PPM1B: variants seen among roughly 807,000 people sequenced by gnomAD.
The protein encoded by PPM1B is protein phosphatase, Mg2+/Mn2+ dependent 1B.
A neutral mutation model predicts 43.0 loss-of-function variants in PPM1B; 22 were observed. That is an observed-to-expected ratio of 0.51 (90% CI 0.37 to 0.73). The LOEUF (loss-of-function observed/expected upper bound fraction) is 0.73. PPM1B is among the 30% of genes least tolerant of loss of function. The pLI, the probability that PPM1B is intolerant of heterozygous loss-of-function variation, is 0.00. For missense variants in PPM1B, 632 were observed against 584.2 expected (o/e 1.08, Z -0.84); for synonymous variants, 217 against 197.9 (o/e 1.10, Z -0.81).
downstream of PPM1B, chr2:44,234,717 C>A: frequency 3.3e-6 from 2 of 608,498 alleles, no homozygotes; most frequent in Non-Finnish European, 4.1e-6. Flanking sequence ...TTGTATACTC[C>A]AGTGAACTTT....
intron 1 of PPM1B, among the ~76,000 whole-genome samples, chr2:44,173,745 C>T (rs1315642102): frequency 6.6e-6 from 1 of 152,156 alleles, no homozygotes; most frequent in African/African-American, 2.4e-5. Context: ...GAGTTCGAGA[C>T]TAGCCTGGCC....
In PPM1B at chr2:44,191,302, A is replaced by T. The variant is rs866868176; in HGVS notation, c.-14-9884A>T. On this transcript the variant is annotated intron_variant, in intron 1 of 5. Coordinates refer to ENST00000282412, the MANE Select transcript of PPM1B (RefSeq NM_002706.6). ...GATCTCGGCTCACTGCAACCTCTGC[A>T]TCCCAGGTTCAAGCTATTCTCCTGC... 2.0e-5 allele frequency among the ~76,000 whole-genome samples: 3 copies of T among 152,002 alleles called. No individual in the cohort carries two copies. The South Asian group carries it at 6.2e-4, about 31-fold the overall frequency.
chr2:44,190,244 C>T (rs1426527404), intron 1 of PPM1B, among the ~76,000 whole-genome samples: 1 of 151,246 alleles, frequency 6.6e-6, no homozygotes, highest in Non-Finnish European at 1.5e-5. Flanking sequence ...CAACCTCTGC[C>T]CCCAGGTTCA....
Position 44,231,389 on chromosome 2 carries a change from C to T in PPM1B, c.*671C>T, listed in dbSNP as rs1670463640. On this transcript the variant is annotated 3_prime_UTR_variant, in exon 6 of 6. Transcript: ENST00000282412. ...ATATTCTGTATAGCCTAACTACACA[C>T]ATCAAAATGTATGTCAACCAAGTGT... is the stretch of plus-strand genomic sequence containing the variant. 1.0e-6 allele frequency: 1 copy of T among 972,578 alleles called. No individual in the cohort carries two copies. Among genetic ancestry groups the T allele is most frequent in the Non-Finnish European group, 1.2e-6 (1 of 818,490 alleles). 60.2% of individuals were successfully genotyped at this position (972,578 alleles called of 1,614,324 possible). A position where few individuals can be genotyped will look rare whatever the true frequency, so the allele number is the denominator to read the frequency against.
chr2:44,238,217 T>A (rs1021106336), downstream of PPM1B, among the ~76,000 whole-genome samples: 1 of 152,146 alleles, frequency 6.6e-6, no homozygotes, highest in Admixed American at 6.6e-5. Flanking sequence ...ATGCAATTTA[T>A]CTTAACAATT....
chr2:44,241,042 C>T (rs1670733968), intron 5 of PPM1B, among the ~76,000 whole-genome samples: 1 of 139,500 alleles, frequency 7.2e-6, no homozygotes, highest in South Asian at 2.5e-4. Context: ...TCACTCTTGT[C>T]GCCCAGGCTG....
At chr2:44,209,395 CT>C (rs1040303528) in intron 3 of PPM1B, 68 bp downstream of exon 3, 1 of 1,519,510 alleles carries the variant, frequency 6.6e-7, no homozygotes. Context: ...AATCCTAGCA[CT>C]TTTGTCGCCT....
At chr2:44,227,049 C>T (rs1013771951) in intron 5 of PPM1B, among the ~76,000 whole-genome samples, 1 of 151,806 alleles carries the variant, frequency 6.6e-6, no homozygotes, top group Non-Finnish European at 1.5e-5. Flanking sequence ...ACATGGCTTA[C>T]TGTAATCTCA....
At chr2:44,237,103 G>C (rs1034314906), downstream of PPM1B, among the ~76,000 whole-genome samples, 3 of 152,172 alleles carry the variant, frequency 2.0e-5, no homozygotes, top group African/African-American at 7.2e-5. Context: ...TTCTGTACTA[G>C]AAAATGCACT....
chr2:44,233,521 G>C, downstream of PPM1B: 19 of 984,944 alleles, frequency 1.9e-5, no homozygotes, highest in Non-Finnish European at 2.3e-5. Context: ...GTTAGGAGAA[G>C]TAATGAATGT....
chr2:44,193,575 C>CTTT (rs575288322), intron 1 of PPM1B, among the ~76,000 whole-genome samples: 23 of 116,716 alleles, frequency 2.0e-4, no homozygotes, highest in Non-Finnish European at 2.9e-4. Flanking sequence ...AATTTTTTTT[C>CTTT]TTTTTTTTTT....
intron 3 of PPM1B, among the ~76,000 whole-genome samples, chr2:44,211,160 C>T (rs1572729820): frequency 6.6e-6 from 1 of 151,994 alleles, no homozygotes; most frequent in Non-Finnish European, 1.5e-5. Flanking sequence ...AAGAAATTAA[C>T]GTTGATACAA....
At chr2:44,198,067 A>C (rs963467710) in intron 1 of PPM1B, among the ~76,000 whole-genome samples, 10 of 152,178 alleles carry the variant, frequency 6.6e-5, no homozygotes, top group African/African-American at 2.4e-4. Context: ...CACGCTTGCC[A>C]ATGTCCATGT....
intron 3 of PPM1B, among the ~76,000 whole-genome samples, chr2:44,214,110 C>T (rs747551995): frequency 1.3e-5 from 2 of 152,140 alleles, no homozygotes; most frequent in African/African-American, 2.4e-5. Flanking sequence ...GACAGAGTCT[C>T]GCACTGTCAC....
In PPM1B at chr2:44,230,581, A is replaced by C. The variant is rs771726874; in HGVS notation, c.1303A>C (p.Thr435Pro). The stretch of plus-strand genomic sequence containing the variant: ...AGAAAGCCCTGCTGAACCAGCTGCC[A>C]CAGCTACTTCTTCGAACAGTGATGC... ...GEESPAEPAA[T>P]ATSSNSDAGN... Residue 435 changes from threonine (T) to proline (P), a missense_variant, in exon 6 of 6, where the codon ACA becomes CCA. Coordinates refer to ENST00000282412, the MANE Select transcript of PPM1B (RefSeq NM_002706.6). 1.2e-6 allele frequency: 2 copies of C among 1,614,184 alleles called. No individual in the cohort carries two copies. The highest frequency in any genetic ancestry group is 2.2e-5 in the South Asian group (2 of 91,086).
intron 2 of PPM1B, 142 bp downstream of exon 2, chr2:44,202,187 C>T (rs1161749420): frequency 1.2e-6 from 1 of 845,692 alleles, no homozygotes; most frequent in African/African-American, 1.8e-5. Flanking sequence ...AGAAATGAAA[C>T]CATTGTTTTC....
In PPM1B at chr2:44,230,482, A is replaced by G; in HGVS notation, c.1204A>G (p.Asn402Asp). The G allele has an allele frequency of 6.2e-7, 1 of 1,614,158 alleles. No homozygotes were observed. Among genetic ancestry groups the G allele is most frequent in the South Asian group, 1.1e-5 (1 of 91,084 alleles). The stretch of plus-strand genomic sequence containing the variant: ...GGAAGCTCTCAGGCAAATGAGAATT[A>G]ATCATAGGGGAAACTACCGACAACT... ...LVEALRQMRI[N>D]HRGNYRQLLE... The change falls in exon 6 of 6, where the codon AAT becomes GAT. Residue 402 changes from asparagine to aspartate, a missense_variant. Transcript: ENST00000282412.
intron 5 of PPM1B, among the ~76,000 whole-genome samples, chr2:44,224,270 A>G (rs957436824): frequency 1.3e-5 from 2 of 152,138 alleles, no homozygotes; most frequent in African/African-American, 4.8e-5. Context: ...CCTGGCTAAC[A>G]TGGTGATACC....
intron 3 of PPM1B, among the ~76,000 whole-genome samples, chr2:44,214,887 G>A (rs1005859511): frequency 6.6e-6 from 1 of 152,160 alleles, no homozygotes; most frequent in Non-Finnish European, 1.5e-5. Flanking sequence ...TGTTTGTTAA[G>A]CACCTATTAT....
Sources: gnomAD v4.1 joint callset for allele counts (sites outside exome capture counted in the v4.1 genomes callset) on GRCh38, gnomAD v4.1.1 for gene constraint, MANE v1.5 for transcripts, NCBI Gene and HGNC (gene_info 2026-07-23, HGNC 2026-07-21) for gene names.